Variants in PELI2 observed in about 807,000 individuals in gnomAD.
PELI2 encodes the protein pellino E3 ubiquitin protein ligase family member 2, also known as E3 ubiquitin-protein ligase pellino homolog 2.
A neutral mutation model predicts 42.3 loss-of-function variants in PELI2; 23 were observed. The ratio of observed to expected loss-of-function variants is 0.54; its 90% CI spans 0.39 to 0.77. The LOEUF is 0.77. Among genes scored for constraint, PELI2 ranks in the 30% least tolerant of loss-of-function variants. The pLI, the probability that PELI2 is intolerant of heterozygous loss-of-function variation, is 0.00. For missense variants in PELI2, 463 were observed against 553.2 expected, an observed-to-expected ratio of 0.84 and a Z score of 1.64; for synonymous variants, 245 against 212.2, an observed-to-expected ratio of 1.15 and a Z score of -1.34.
intron 2 of PELI2, among the ~76,000 whole-genome samples, chr14:56,256,343 G>A (rs1888527104): frequency 6.6e-6 from 1 of 152,082 alleles, no homozygotes; most frequent in Non-Finnish European, 1.5e-5. Flanking sequence ...GGCTGAGGTG[G>A]GAGAAGGCAG....
chr14:56,153,135 A>G (rs542403422), intron 1 of PELI2, among the ~76,000 whole-genome samples: 1 of 152,204 alleles, frequency 6.6e-6, no homozygotes, highest in East Asian at 1.9e-4. Context: ...ATCTCATTAC[A>G]TTAGCATTTT....
intron 1 of PELI2, among the ~76,000 whole-genome samples, chr14:56,127,243 C>T (rs1178678665): frequency 6.6e-6 from 1 of 152,078 alleles, no homozygotes; most frequent in Non-Finnish European, 1.5e-5. Flanking sequence ...CAGCTTTCAC[C>T]CAGGAGAGCT....
chr14:56,270,028 C>G (rs182117069), intron 2 of PELI2, among the ~76,000 whole-genome samples: 59 of 152,328 alleles, frequency 3.9e-4, no homozygotes, highest in African/African-American at 1.4e-3. Context: ...CTTACTTTCT[C>G]TGGTGTCTGT....
chr14:56,246,237 G>C (rs1335055163), intron 2 of PELI2, among the ~76,000 whole-genome samples: 1 of 152,072 alleles, frequency 6.6e-6, no homozygotes, highest in Non-Finnish European at 1.5e-5. Context: ...CTCCATTACT[G>C]GGCAACTTGG....
intron 5 of PELI2, chr14:56,292,900 TTG>T (rs1889877399): frequency 1.3e-6 from 1 of 790,622 alleles, no homozygotes; most frequent in Non-Finnish European, 1.5e-6. Flanking sequence ...CAGGAGGGCC[TTG>T]AGTATTTAAT....
chr14:56,166,556 G>A (rs1428043278), intron 1 of PELI2, among the ~76,000 whole-genome samples: 1 of 152,086 alleles, frequency 6.6e-6, no homozygotes, highest in African/African-American at 2.4e-5. Context: ...GGAGGGGTCT[G>A]GTATTGATGA....
chr14:56,171,167 G>A (rs745527271), intron 1 of PELI2, among the ~76,000 whole-genome samples: 9 of 152,192 alleles, frequency 5.9e-5, no homozygotes, highest in Non-Finnish European at 1.2e-4. Context: ...CAAAGTTCAT[G>A]TGTTGGAAAC....
intron 2 of PELI2, among the ~76,000 whole-genome samples, chr14:56,242,504 C>A (rs1888010343): frequency 6.6e-6 from 1 of 152,206 alleles, no homozygotes. Context: ...TACTGGGCAT[C>A]TACCCAAAGG....
chr14:56,178,323 C>G lies in PELI2; in HGVS notation c.78-12C>G. 6.2e-7 allele frequency: 1 copy of G among 1,613,536 alleles called. No homozygotes were observed. Among genetic ancestry groups the G allele is most frequent in the Non-Finnish European group, 8.5e-7 (1 of 1,179,598 alleles). ...TCTGCAGATAGATGAACTCTTTCCT[C>G]TCTGTTTCTAGGTACAATGGTGCTT... On this transcript the variant is annotated splice_polypyrimidine_tract_variant and intron_variant, in intron 1 of 5. Transcript: ENST00000267460.
At chr14:56,153,725 T>G (rs1463328577) in intron 1 of PELI2, among the ~76,000 whole-genome samples, 1 of 152,196 alleles carries the variant, frequency 6.6e-6, no homozygotes, top group Non-Finnish European at 1.5e-5. Context: ...AGTTTTTTTG[T>G]AAACAGCTTC....
chr14:56,239,523 C>T (rs1457330829), intron 2 of PELI2, among the ~76,000 whole-genome samples: 1 of 152,010 alleles, frequency 6.6e-6, no homozygotes, highest in African/African-American at 2.4e-5. Flanking sequence ...TTAAACCTGC[C>T]CTTATTAATA....
chr14:56,296,649 G>A lies in PELI2; in HGVS notation c.746G>A (p.Cys249Tyr). 6.2e-7 allele frequency: 1 copy of A among 1,614,064 alleles called. No individual in the cohort carries two copies. The highest frequency in any genetic ancestry group is 1.3e-5 in the African/African-American group (1 of 75,058). Residue 249 changes from cysteine to tyrosine, a missense_variant, in exon 6 of 6, where the codon TGT (cysteine) becomes TAT (tyrosine). Coordinates refer to ENST00000267460, the MANE Select transcript of PELI2 (RefSeq NM_021255.3). ...CAGGACGGCTCCCTCATTGACCTGT[G>A]TGGGGCCACTCTCCTCTGGAGAACA... The part of the protein sequence containing the change: ...VLQDGSLIDL[C>Y]GATLLWRTAD...
intron 1 of PELI2, among the ~76,000 whole-genome samples, chr14:56,155,919 G>T (rs572242056): frequency 6.6e-6 from 1 of 152,226 alleles, no homozygotes; most frequent in Admixed American, 6.5e-5. Context: ...TGTAGCAACA[G>T]TGTTAGTTTT....
intron 1 of PELI2, among the ~76,000 whole-genome samples, chr14:56,154,809 T>A (rs1014054455): frequency 6.6e-6 from 1 of 152,218 alleles, no homozygotes; most frequent in African/African-American, 2.4e-5. Flanking sequence ...GTGAATACTT[T>A]TATAAGGGTG....
At position 56,279,679 on chromosome 14, in the gene PELI2, A is replaced by G. The variant is rs200084925; in HGVS notation, c.211A>G (p.Ile71Val). ...TTTTTTAAAATTTTATTATTAGGCT[A>G]TCAGCTGCAAAGGTCAACACAGTAT... ...VISTPQASKA[I>V]SCKGQHSISY... is the part of the protein sequence containing the mutation. The change falls in exon 3 of 6, where the codon ATC (isoleucine) becomes GTC (valine). Residue 71 changes from isoleucine (I) to valine (V), a missense_variant. Physicochemically the swap from Ile to Val is conservative, Grantham distance 29. Transcript: ENST00000267460. The G allele has an allele frequency of 3.9e-6, 6 of 1,531,678 alleles. No homozygotes were observed. The Admixed American group carries it at 6.9e-5, about 18-fold the overall frequency. The allele number at this position is 1,531,678 out of a possible 1,614,324, so 94.9% of individuals were successfully genotyped here. A position where few individuals can be genotyped will look rare whatever the true frequency, so the allele number is the denominator to read the frequency against.
At chr14:56,210,860 C>T (rs2139727477) in intron 2 of PELI2, among the ~76,000 whole-genome samples, 1 of 152,286 alleles carries the variant, frequency 6.6e-6, no homozygotes, top group Non-Finnish European at 1.5e-5. Flanking sequence ...TATGGCTGAA[C>T]ATCCTCAGAG....
intron 2 of PELI2, among the ~76,000 whole-genome samples, chr14:56,278,970 A>T (rs1889388383): frequency 2.0e-5 from 3 of 152,214 alleles, no homozygotes; most frequent in Admixed American, 2.0e-4. Flanking sequence ...CTTTTTGTTC[A>T]AACATATCAC....
chr14:56,212,032 A>C (rs1313985670), intron 2 of PELI2, among the ~76,000 whole-genome samples: 1 of 152,192 alleles, frequency 6.6e-6, no homozygotes, highest in Non-Finnish European at 1.5e-5. Context: ...ATGTGCTGGG[A>C]ATAGTCCTGG....
intron 1 of PELI2, among the ~76,000 whole-genome samples, chr14:56,128,561 G>A (rs1348985559): frequency 6.6e-6 from 1 of 152,102 alleles, no homozygotes; most frequent in Non-Finnish European, 1.5e-5. Flanking sequence ...GATTTCCTGG[G>A]GCAGTTGGCC....
Sources: gnomAD v4.1 joint callset for allele counts (sites outside exome capture counted in the v4.1 genomes callset) on GRCh38, gnomAD v4.1.1 for gene constraint, MANE v1.5 for transcripts, NCBI Gene and HGNC (gene_info 2026-07-23, HGNC 2026-07-21) for gene names.